The following SLC6A2 variants were observed in gnomAD, a reference collection of about 807,000 sequenced individuals.
SLC6A2 encodes solute carrier family 6 member 2, also known as sodium-dependent noradrenaline transporter.
Under a neutral mutation model 71.7 loss-of-function variants are expected in SLC6A2, and 26 were observed. The observed-to-expected ratio is 0.36, with a 90% CI of 0.27 to 0.50. SLC6A2 has a LOEUF of 0.50. SLC6A2 is among the 20% of genes least tolerant of loss of function. SLC6A2 has a pLI of 0.96. For missense variants in SLC6A2, 581 were observed against 803.9 expected, an observed-to-expected ratio of 0.72 and a Z score of 3.35; for synonymous variants, 363 against 337.9, an observed-to-expected ratio of 1.07 and a Z score of -0.82.
intron 4 of SLC6A2, among the ~76,000 whole-genome samples, chr16:55,675,004 G>A (rs1193550552): frequency 2.6e-5 from 4 of 152,118 alleles, no homozygotes; most frequent in Non-Finnish European, 4.4e-5. Context: ...CGGCAGCCTT[G>A]CCAGCATCTG....
chr16:55,682,424 C>T (rs186349676), intron 4 of SLC6A2, among the ~76,000 whole-genome samples: 10 of 152,262 alleles, frequency 6.6e-5, no homozygotes, highest in African/African-American at 2.4e-4. Context: ...TTTCCTTACT[C>T]GTTCTCCTTG....
rs1422788111 is a variant in SLC6A2, at chr16:55,705,316, G to A, written c.*2970G>A. On this transcript the variant is annotated 3_prime_UTR_variant, in exon 15 of 15. Transcript: ENST00000568943. Reference sequence around the variant, plus strand: ...GCCTTAATTCTCAAAAGGAGTTACCGCTCAGCTGGGAGCCAGTTCCTGCTA... The same window carrying A: ...GCCTTAATTCTCAAAAGGAGTTACCACTCAGCTGGGAGCCAGTTCCTGCTA... 8.6e-6 allele frequency: 12 copies of A among 1,401,670 alleles called. No homozygotes were observed. Among genetic ancestry groups the A allele is most frequent in the East Asian group, 5.0e-5 (2 of 40,158 alleles). 86.8% of individuals were successfully genotyped at this position (1,401,670 alleles called of 1,614,324 possible).
intron 7 of SLC6A2, among the ~76,000 whole-genome samples, chr16:55,694,784 A>G (rs569000259): frequency 6.6e-6 from 1 of 152,256 alleles, no homozygotes; most frequent in South Asian, 2.1e-4. Flanking sequence ...TGAGCCTTGG[A>G]GGATAGTTAG....
chr16:55,702,081 G>T, intron 14 of SLC6A2, 147 bp downstream of exon 14: 1 of 788,300 alleles, frequency 1.3e-6, no homozygotes, highest in South Asian at 1.5e-5. Flanking sequence ...ACATCGGGAT[G>T]GGGGACAGGG....
At chr16:55,671,596 C>T (rs899586788) in intron 3 of SLC6A2, 24 of 499,220 alleles carry the variant, frequency 4.8e-5, no homozygotes, top group Non-Finnish European at 6.7e-5. Flanking sequence ...AGCTCCGCCT[C>T]CTGTCAGATC....
In SLC6A2 at chr16:55,656,508, C is replaced by T. The variant is rs1209188377; in HGVS notation, c.-51-136C>T. 2.9e-6 allele frequency: 2 copies of T among 696,804 alleles called. No homozygotes were observed. Among genetic ancestry groups the T allele is most frequent in the Non-Finnish European group, 4.9e-6 (2 of 410,526 alleles). The allele number at this position is 696,804 out of a possible 1,614,324, so 43.2% of individuals were successfully genotyped here. On this transcript the variant is annotated intron_variant, in intron 1 of 14. Coordinates refer to ENST00000568943, the MANE Select transcript of SLC6A2 (RefSeq NM_001172501.3). This position sits in a 1 kb window ranked among gnomAD's most constrained non-coding sequence, Gnocchi z 4.5. ...TGTTTCCAAATTTTTCCAGCGGACGCGCGCCCTTTTCTGGGAACCCTGCGT... is the reference window on the plus strand; with the variant it reads ...TGTTTCCAAATTTTTCCAGCGGACGTGCGCCCTTTTCTGGGAACCCTGCGT...
At chr16:55,672,886 C>T (rs183485136) in intron 4 of SLC6A2, among the ~76,000 whole-genome samples, 67 of 152,314 alleles carry the variant, frequency 4.4e-4, no homozygotes, top group African/African-American at 1.4e-3. Context: ...GTTGAAATAC[C>T]GTTATACATT....
rs1966084236 is a variant in SLC6A2, at chr16:55,705,592, T to C, written c.*3246T>C. 2 of 267,676 alleles carry C rather than the reference T, an allele frequency of 7.5e-6. No homozygotes were observed. Among genetic ancestry groups the C allele is most frequent in the African/African-American group, 4.4e-5 (2 of 45,658 alleles). The allele number at this position is 267,676 out of a possible 1,614,324, so 16.6% of individuals were successfully genotyped here. A position where few individuals can be genotyped will look rare whatever the true frequency, so the allele number is the denominator to read the frequency against. On this transcript the variant is annotated 3_prime_UTR_variant, in exon 15 of 15. Coordinates refer to ENST00000568943, the MANE Select transcript of SLC6A2 (RefSeq NM_001172501.3). ...GCTTCATCTTTTGGGGCTTCAAGAT[T>C]CTTTGTCTTTAAAATCAGGGGTTAT...
chr16:55,670,130 T>C (rs187715), intron 3 of SLC6A2, among the ~76,000 whole-genome samples: 5,476 of 152,306 alleles, frequency 0.036, 134 homozygotes, highest in Non-Finnish European at 0.051. Context: ...AGCTGAAATA[T>C]AACATGAAGC....
intron 3 of SLC6A2, among the ~76,000 whole-genome samples, chr16:55,670,557 C>T (rs769902967): frequency 7.9e-5 from 12 of 152,108 alleles, no homozygotes; most frequent in East Asian, 3.9e-4. Flanking sequence ...TGGAATCTAT[C>T]GCTCTTCTTG....
At chr16:55,659,027 C>T (rs1196507804) in intron 2 of SLC6A2, among the ~76,000 whole-genome samples, 8 of 152,240 alleles carry the variant, frequency 5.3e-5, no homozygotes, top group South Asian at 4.2e-4. Flanking sequence ...CCCGCCATCC[C>T]GCCTGTCCTC....
intron 12 of SLC6A2, 71 bp downstream of exon 12, chr16:55,699,725 T>C (rs1965911431): frequency 1.7e-6 from 2 of 1,145,008 alleles, no homozygotes; most frequent in East Asian, 4.8e-5. Flanking sequence ...TGGGTGAGGA[T>C]ATTTGCTTCT....
chr16:55,696,146 G>GTACT, intron 8 of SLC6A2, 79 bp from the exon 9 acceptor site: 1 of 866,122 alleles, frequency 1.2e-6, no homozygotes, highest in Non-Finnish European at 2.0e-6. Flanking sequence ...GAACAATTGG[G>GTACT]CCCCCAGATA....
chr16:55,659,810 G>C (rs1243936466), intron 2 of SLC6A2, among the ~76,000 whole-genome samples: 1 of 152,174 alleles, frequency 6.6e-6, no homozygotes, highest in Non-Finnish European at 1.5e-5. Flanking sequence ...GGTCTTAGCT[G>C]TGGAGTCCTG....
At chr16:55,677,163 C>T (rs1237779122) in intron 4 of SLC6A2, among the ~76,000 whole-genome samples, 1 of 152,154 alleles carries the variant, frequency 6.6e-6, no homozygotes, top group Non-Finnish European at 1.5e-5. Context: ...GCCTCCTTCA[C>T]TCTTCTGAGG....
At position 55,694,097 on chromosome 16, in the gene SLC6A2, GACA is replaced by G. The variant is rs1306085684; in HGVS notation, c.1012_1014del (p.Asn338del). ...TGCATTTGCCAGTTACAACAAATTT[GACA>G]ACAACTGTTACAGGTAAGATTCTTC... On this transcript the variant is annotated inframe_deletion, in exon 7 of 15. Coordinates refer to ENST00000568943, the MANE Select transcript of SLC6A2 (RefSeq NM_001172501.3). 3 of 1,600,036 alleles carry G rather than the reference GACA, an allele frequency of 1.9e-6. No individual in the cohort carries two copies. Among genetic ancestry groups the G allele is most frequent in the South Asian group, 1.1e-5 (1 of 90,790 alleles).
chr16:55,671,693 A>C (rs1016296327), intron 3 of SLC6A2: 99 of 712,660 alleles, frequency 1.4e-4, no homozygotes, highest in Non-Finnish European at 2.0e-4. Flanking sequence ...CCTTATGAGA[A>C]TCTAACTAAC....
chr16:55,673,014 C>A (rs901945811), intron 4 of SLC6A2, among the ~76,000 whole-genome samples: 2 of 152,206 alleles, frequency 1.3e-5, no homozygotes, highest in Admixed American at 6.5e-5. Flanking sequence ...TGTTAGCTAA[C>A]AAGCTGCAGA....
intron 13 of SLC6A2, among the ~76,000 whole-genome samples, chr16:55,700,729 C>T (rs1220819871): frequency 6.6e-6 from 1 of 152,196 alleles, no homozygotes; most frequent in Admixed American, 6.5e-5. Context: ...CTGGTTTTCA[C>T]CTGCCTCTTT....
Sources: gnomAD v4.1 joint callset for allele counts (sites outside exome capture counted in the v4.1 genomes callset) on GRCh38, gnomAD v4.1.1 for gene constraint, Gnocchi (gnomAD v3.1) non-coding constraint, MANE v1.5 for transcripts, NCBI Gene and HGNC (gene_info 2026-07-23, HGNC 2026-07-21) for gene names.